Variants in USH2A observed in about 807,000 individuals in gnomAD.
USH2A encodes Usher syndrome 2A (autosomal recessive, mild).
In USH2A, 443 loss-of-function variants were observed where a neutral mutation model predicts 538.9. The ratio of observed to expected loss-of-function variants is 0.82; its 90% CI spans 0.76 to 0.89. USH2A has a LOEUF of 0.89. Ranked by LOEUF, USH2A falls within the 40% of genes least tolerant of loss-of-function variation. The probability of loss-of-function intolerance (pLI) is 0.00; values close to 1 mark genes in which losing one functional copy is unlikely to be tolerated. For synonymous variants in USH2A, 2,413 were observed against 2,273.5 expected (o/e 1.06, Z -1.75); for missense variants, 6,633 against 6,324.8 (o/e 1.05, Z -1.65).
chr1:216,283,540 T>C lies in USH2A; in HGVS notation c.1971+5740A>G, dbSNP rs114636618. Among the ~76,000 whole-genome samples the C allele has an allele frequency of 2.9e-3, 445 of 152,372 alleles. 2 individuals carry two copies. Among genetic ancestry groups the C allele is most frequent in the African/African-American group, 0.01 (418 of 41,588 alleles). On this transcript the variant is annotated intron_variant, in intron 11 of 71. Transcript: ENST00000307340. ...GGCTACAACTTTCAGTACAATGTTATGGGATATTGTTATCTTGCTTTTGAT... is the reference window on the plus strand; with the variant it reads ...GGCTACAACTTTCAGTACAATGTTACGGGATATTGTTATCTTGCTTTTGAT...
At chr1:215,832,019 T>G (rs1435409229) in intron 47 of USH2A, among the ~76,000 whole-genome samples, 1 of 151,884 alleles carries the variant, frequency 6.6e-6, no homozygotes, top group Non-Finnish European at 1.5e-5. Context: ...TACAAACAAC[T>G]TCCTGCTAAT....
chr1:216,273,089 G>T (rs1216113391), intron 11 of USH2A, among the ~76,000 whole-genome samples: 3 of 152,062 alleles, frequency 2.0e-5, no homozygotes, highest in Admixed American at 6.6e-5. Flanking sequence ...AAAAAAGCAG[G>T]TAGGAACACA....
At chr1:216,000,357 ATTC>A in intron 33 of USH2A, 43 bp downstream of exon 33, 1 of 1,611,978 alleles carries the variant, frequency 6.2e-7, no homozygotes, top group South Asian at 1.1e-5. Context: ...ACTCACTGAG[ATTC>A]TTGCATGAAC....
At chr1:216,235,999 G>A (rs1275545963) in intron 13 of USH2A, among the ~76,000 whole-genome samples, 1 of 152,084 alleles carries the variant, frequency 6.6e-6, no homozygotes, top group African/African-American at 2.4e-5. Context: ...CAGTATAGTT[G>A]ATGATGGTAG....
intron 61 of USH2A, among the ~76,000 whole-genome samples, chr1:215,704,501 T>A (rs1029723558): frequency 6.6e-6 from 1 of 152,158 alleles, no homozygotes; most frequent in African/African-American, 2.4e-5. Context: ...TTTCCTAATT[T>A]AAAAGTCAGA....
intron 4 of USH2A, among the ~76,000 whole-genome samples, chr1:216,360,484 T>A (rs2038471110): frequency 6.6e-6 from 1 of 152,104 alleles, no homozygotes; most frequent in Non-Finnish European, 1.5e-5. Context: ...AGTGGATACT[T>A]GTCGTTGTAC....
chr1:215,844,346 G>A lies in USH2A; in HGVS notation c.9206C>T (p.Pro3069Leu). 1 of 1,613,750 alleles carries A rather than the reference G, an allele frequency of 6.2e-7. No homozygotes were observed. Among genetic ancestry groups the A allele is most frequent in the Non-Finnish European group, 8.5e-7 (1 of 1,179,828 alleles). The stretch of plus-strand genomic sequence containing the variant: ...CAGGTCTCTCAGAATAAACGACCCA[G>A]GCACATTCATTCCAGTCTTGTAGAG... Reference protein sequence around the residue: ...NKLYKTGMNVPGSFILRDLSP... With the variant: ...NKLYKTGMNVLGSFILRDLSP... Residue 3069 changes from proline to leucine, a missense_variant, in exon 46 of 72, where the codon CCT becomes CTT. Physicochemically the swap from Pro to Leu is moderately conservative, Grantham distance 98. Transcript: ENST00000307340.
intron 15 of USH2A, among the ~76,000 whole-genome samples, chr1:216,207,859 C>T (rs1572051664): frequency 6.7e-6 from 1 of 150,066 alleles, no homozygotes; most frequent in South Asian, 2.1e-4. Context: ...GCTTTCCATT[C>T]CATTAAGCAC....
rs145178987 is a variant in USH2A at position 216,095,227 on chromosome 1, C to T, written c.4758+1856G>A. 2.3e-3 allele frequency among the ~76,000 whole-genome samples: 357 copies of T among 152,114 alleles called. 1 individual carries two copies. Among genetic ancestry groups the T allele is most frequent in the Non-Finnish European group, 4.0e-3 (269 of 68,012 alleles). Reference sequence around the variant, plus strand: ...TGTGCTTTTTGTTCTCCTTCCGATTCGCTTCTTAGTGACAGTAGTAGTATC... The same window carrying T: ...TGTGCTTTTTGTTCTCCTTCCGATTTGCTTCTTAGTGACAGTAGTAGTATC... On this transcript the variant is annotated intron_variant, in intron 22 of 71. Coordinates refer to ENST00000307340, the MANE Select transcript of USH2A (RefSeq NM_206933.4).
At chr1:216,190,147 A>G in intron 20 of USH2A, 76 bp downstream of exon 20, 1 of 1,578,870 alleles carries the variant, frequency 6.3e-7, no homozygotes. Context: ...AGTCTCAAGT[A>G]GAGAAGGTGT....
chr1:216,013,671 C>T (rs1668632434), intron 32 of USH2A, among the ~76,000 whole-genome samples: 2 of 151,214 alleles, frequency 1.3e-5, no homozygotes, highest in Non-Finnish European at 2.9e-5. Context: ...CCTTGTGACC[C>T]CCACTCTGGC....
chr1:216,231,841 C>T, intron 14 of USH2A, 112 bp downstream of exon 14: 3 of 1,371,462 alleles, frequency 2.2e-6, no homozygotes, highest in Non-Finnish European at 3.1e-6. Context: ...GTGTGAGCCA[C>T]CAAGCCGGGC....
intron 38 of USH2A, among the ~76,000 whole-genome samples, chr1:215,921,426 C>T (rs1452797443): frequency 6.6e-6 from 1 of 151,918 alleles, no homozygotes; most frequent in African/African-American, 2.4e-5. Flanking sequence ...AACTTTAGAG[C>T]ATGGGTTATA....
intron 43 of USH2A, among the ~76,000 whole-genome samples, chr1:215,876,230 A>G (rs1465981757): frequency 9.2e-5 from 14 of 152,178 alleles, no homozygotes; most frequent in Non-Finnish European, 1.3e-4. Context: ...AGGATAAGCA[A>G]CATGGATCTG....
intron 46 of USH2A, among the ~76,000 whole-genome samples, chr1:215,840,154 ACT>A (rs1226683517): frequency 6.8e-5 from 8 of 116,886 alleles, no homozygotes; most frequent in African/African-American, 2.0e-4. Flanking sequence ...GAAGAGTGAG[ACT>A]CTGTCTCAAA....
At chr1:215,669,500 T>C (rs1657743284) in intron 64 of USH2A, among the ~76,000 whole-genome samples, 1 of 152,212 alleles carries the variant, frequency 6.6e-6, no homozygotes, top group South Asian at 2.1e-4. Flanking sequence ...ATACTGTATA[T>C]TTTGTAATAT....
At chr1:215,701,272 T>C (rs4403606) in intron 61 of USH2A, among the ~76,000 whole-genome samples, 66,925 of 152,064 alleles carry the variant, frequency 0.44, 15,003 homozygotes, top group Middle Eastern at 0.57. Flanking sequence ...GAGAAGAAAG[T>C]ATATTCTGTT....
intron 38 of USH2A, among the ~76,000 whole-genome samples, chr1:215,922,854 C>T (rs1558163241): frequency 6.6e-6 from 1 of 152,028 alleles, no homozygotes; most frequent in East Asian, 1.9e-4. Context: ...TTAAGTCAGA[C>T]CAAACAGCTA....
chr1:216,053,101 TAGA>T (rs2030852684), intron 30 of USH2A, among the ~76,000 whole-genome samples: 1 of 152,218 alleles, frequency 6.6e-6, no homozygotes, highest in African/African-American at 2.4e-5. Flanking sequence ...ATATTGGAAC[TAGA>T]AGAATTCTTA....
Sources: allele counts gnomAD v4.1 joint callset (sites outside exome capture counted in the v4.1 genomes callset), GRCh38; gene constraint gnomAD v4.1.1; transcripts MANE v1.5; gene names NCBI Gene and HGNC (gene_info 2026-07-23, HGNC 2026-07-21).